CBARP: variants seen among roughly 807,000 people sequenced by gnomAD.
CBARP encodes voltage-dependent calcium channel beta subunit-associated regulatory protein.
A neutral mutation model predicts 36.3 loss-of-function variants in CBARP; 24 were observed. That is an observed-to-expected ratio of 0.66 (90% confidence interval 0.48 to 0.93). The LOEUF (loss-of-function observed/expected upper bound fraction) is 0.93. Among genes scored for constraint, CBARP ranks in the 40% least tolerant of loss-of-function variants. The pLI is 0.00. For synonymous variants in CBARP, 586 were observed against 453.2 expected, an observed-to-expected ratio of 1.29 and a Z score of -3.72; for missense variants, 1,146 against 980.4, an observed-to-expected ratio of 1.17 and a Z score of -2.26.
At chr19:1,234,116 T>A in intron 7 of CBARP, 75 bp downstream of exon 7, 1 of 1,409,878 alleles carries the variant, frequency 7.1e-7, no homozygotes, top group Non-Finnish European at 9.3e-7. Flanking sequence ...TTGACCTTGG[T>A]CCTGGACTGG....
rs781767367 is a variant in CBARP at position 1,236,058 on chromosome 19, T to TGGTGGTGGTGGC, written c.31_42dup (p.Ala11_Thr14dup). The TGGTGGTGGTGGC allele has an allele frequency of 3.3e-6, 5 of 1,518,976 alleles. No individual in the cohort carries two copies. In the South Asian group the frequency reaches 6.5e-5, roughly 20 times the overall value. The allele number at this position is 1,518,976 out of a possible 1,614,324, so 94.1% of individuals were successfully genotyped here. ...AGGGCTACTGTGGCAGTGGTGGTGG[T>TGGTGGTGGTGGC]GGTGGTGGTGGCGGCTGTGGCCATG... is the stretch of plus-strand genomic sequence containing the variant. On this transcript the variant is annotated inframe_insertion, in exon 2 of 10. Transcript: ENST00000650044.
intron 9 of CBARP, chr19:1,230,742 G>A (rs917808331): frequency 3.8e-6 from 5 of 1,309,544 alleles, no homozygotes; most frequent in Non-Finnish European, 4.8e-6. Context: ...CTTCTGAGAG[G>A]AGTCTGCCCA....
At position 1,230,025 on chromosome 19, in the gene CBARP, G is replaced by C; in HGVS notation, c.1272C>G (p.Asp424Glu). The C allele has an allele frequency of 8.1e-7, 1 of 1,228,764 alleles. No individual in the cohort carries two copies. The highest frequency in any genetic ancestry group is 1.0e-6 in the Non-Finnish European group (1 of 963,172). The allele number at this position is 1,228,764 out of a possible 1,614,324, so 76.1% of individuals were successfully genotyped here. Residue 424 changes from aspartate to glutamate, a missense_variant, in exon 10 of 10, where the codon GAC (aspartate) becomes GAG (glutamate). Coordinates refer to ENST00000650044, the MANE Select transcript of CBARP (RefSeq NM_001393918.1). Reference sequence around the variant, plus strand: ...TGGTCTGGGCCTGCTCGGGGCCCGCGTCCCGCTCGGCGTCCGGCTCCAGTG... The same window carrying C: ...TGGTCTGGGCCTGCTCGGGGCCCGCCTCCCGCTCGGCGTCCGGCTCCAGTG... ...QPPLEPDAER[D>E]AGPEQAQTSY...
chr19:1,237,118 C>T (rs1376237705), intron 1 of CBARP, among the ~76,000 whole-genome samples: 11 of 152,192 alleles, frequency 7.2e-5, no homozygotes, highest in Non-Finnish European at 1.0e-4. Flanking sequence ...CGAGACCTTT[C>T]CCGGAGCGAG....
chr19:1,236,705 A>G (rs2080978599), intron 1 of CBARP, among the ~76,000 whole-genome samples: 1 of 151,628 alleles, frequency 6.6e-6, no homozygotes, highest in African/African-American at 2.4e-5. Flanking sequence ...CCCGGTGCTG[A>G]GTGCTGGTGG....
rs375868119 is a variant in CBARP, at chr19:1,234,691, C to G, written c.507G>C (p.Thr169=). The G allele has an allele frequency of 6.2e-7, 1 of 1,612,906 alleles. No homozygotes were observed. Among genetic ancestry groups the G allele is most frequent in the Non-Finnish European group, 8.5e-7 (1 of 1,179,692 alleles). ...TCTTGAGGGGCGGCAGGTGCAGGTG[C>G]GTGAGCCGGGCATTCTTCAGGTGGT... ...DFHHLKNARL[T]HLHLPPLKIV... is the part of the protein sequence containing the mutation. The change falls in exon 6 of 10, where the codon ACG becomes ACC. Residue 169 remains threonine (T), a synonymous_variant. Transcript: ENST00000650044.
chr19:1,230,012 G>T lies in CBARP; in HGVS notation c.1285C>A (p.Gln429Lys), dbSNP rs867603649. 3 of 1,235,720 alleles carry T rather than the reference G, an allele frequency of 2.4e-6. No individual in the cohort carries two copies. The highest frequency in any genetic ancestry group is 3.1e-6 in the Non-Finnish European group (3 of 966,950). The allele number at this position is 1,235,720 out of a possible 1,614,324, so 76.5% of individuals were successfully genotyped here. Residue 429 changes from glutamine (Q) to lysine (K), a missense_variant, in exon 10 of 10, where the codon CAG becomes AAG. Physicochemically the swap from Gln to Lys is moderately conservative, Grantham distance 53. Coordinates refer to ENST00000650044, the MANE Select transcript of CBARP (RefSeq NM_001393918.1). The stretch of plus-strand genomic sequence containing the variant: ...AGGTCGCGGTAGCTGGTCTGGGCCT[G>T]CTCGGGGCCCGCGTCCCGCTCGGCG... The part of the protein sequence containing the change: ...PDAERDAGPE[Q>K]AQTSYRDLWS...
intron 4 of CBARP, 120 bp from the exon 5 acceptor site, chr19:1,235,265 C>G (rs1383526099): frequency 8.4e-7 from 1 of 1,196,202 alleles, no homozygotes; most frequent in Non-Finnish European, 1.1e-6. Flanking sequence ...CACGGGCGGC[C>G]GGGCTGGCGG....
rs754691348 is a variant in CBARP, at chr19:1,235,051, A to G, written c.405T>C (p.Asn135=). Residue 135 remains asparagine, a synonymous_variant, in exon 5 of 10, where the codon AAT becomes AAC. Transcript: ENST00000650044. ...TSSTGRRVSF[N]EAALFEQSRK... ...GGCTCTGCTCAAACAGCGCCGCCTC[A>G]TTGAAGGAGACCCGGCGGCCCGTGG... is the stretch of plus-strand genomic sequence containing the variant. 6.8e-6 allele frequency: 11 copies of G among 1,611,266 alleles called. No homozygotes were observed. The highest frequency in any genetic ancestry group is 3.4e-6 in the Non-Finnish European group (4 of 1,179,226).
intron 7 of CBARP, 39 bp downstream of exon 7, chr19:1,234,152 C>A: frequency 6.9e-7 from 1 of 1,456,200 alleles, no homozygotes. Flanking sequence ...GGAGCCTCCC[C>A]GGCTGTGGAC....
chr19:1,232,935 C>T (rs942763710), intron 8 of CBARP, among the ~76,000 whole-genome samples: 1 of 152,242 alleles, frequency 6.6e-6, no homozygotes, highest in African/African-American at 2.4e-5. Context: ...AGTCAGAGCC[C>T]AGACAGGCAG....
chr19:1,234,564 G>C lies in CBARP; in HGVS notation c.627+7C>G, dbSNP rs1447719838. The C allele has an allele frequency of 1.9e-6, 3 of 1,598,864 alleles. No individual in the cohort carries two copies. In the African/African-American group the frequency reaches 4.0e-5, roughly 21 times the overall value. On this transcript the variant is annotated splice_region_variant and intron_variant, in intron 6 of 9. Coordinates refer to ENST00000650044, the MANE Select transcript of CBARP (RefSeq NM_001393918.1). ...CGAGGAACCGGGGCTGCTGCCCATA[G>C]GCTCACCTGGAAGATGGCCAGAGTG...
chr19:1,230,098 G>T lies in CBARP; in HGVS notation c.1199C>A (p.Pro400His). Residue 400 changes from proline (P) to histidine (H), a missense_variant, in exon 10 of 10, where the codon CCC becomes CAC. Coordinates refer to ENST00000650044, the MANE Select transcript of CBARP (RefSeq NM_001393918.1). ...CGCGCTGCCCGCGCCGCGCTCCGGG[G>T]GGGAATCGGGGCTCGCTCCTCCCGC... Reference protein sequence around the residue: ...EAAGGASPDSPPERGAGSAGP... With the variant: ...EAAGGASPDSHPERGAGSAGP... The T allele has an allele frequency of 9.3e-7, 1 of 1,080,324 alleles. No individual in the cohort carries two copies. The highest frequency in any genetic ancestry group is 2.1e-5 in the South Asian group (1 of 46,782). 66.9% of individuals were successfully genotyped at this position (1,080,324 alleles called of 1,614,324 possible). A position where few individuals can be genotyped will look rare whatever the true frequency, so the allele number is the denominator to read the frequency against.
In CBARP at chr19:1,229,251, G is replaced by T; in HGVS notation, c.2046C>A (p.Leu682=). Residue 682 remains leucine (L), a synonymous_variant, in exon 10 of 10, where the codon CTC becomes CTA. Coordinates refer to ENST00000650044, the MANE Select transcript of CBARP (RefSeq NM_001393918.1). The surrounding 1 kb of genome is among the most constrained non-coding windows in gnomAD (Gnocchi z 5.1). The part of the protein sequence containing the change: ...GLDERLFPPR[L]AEPVVATPAL... ...CGGGAGTCGCCACGACGGGCTCGGCGAGGCGCGGCGGAAAGAGTCTCTCGT... is the reference window on the plus strand; with the variant it reads ...CGGGAGTCGCCACGACGGGCTCGGCTAGGCGCGGCGGAAAGAGTCTCTCGT... The T allele has an allele frequency of 8.1e-7, 1 of 1,242,064 alleles. No homozygotes were observed. Among genetic ancestry groups the T allele is most frequent in the Non-Finnish European group, 1.0e-6 (1 of 968,236 alleles). 76.9% of individuals were successfully genotyped at this position (1,242,064 alleles called of 1,614,324 possible).
chr19:1,229,259 G>A lies in CBARP; in HGVS notation c.2038C>T (p.Pro680Ser). 8.0e-7 allele frequency: 1 copy of A among 1,247,810 alleles called. No homozygotes were observed. The highest frequency in any genetic ancestry group is 1.0e-6 in the Non-Finnish European group (1 of 971,556). 77.3% of individuals were successfully genotyped at this position (1,247,810 alleles called of 1,614,324 possible). Residue 680 changes from proline to serine, a missense_variant, in exon 10 of 10, where the codon CCG (proline) becomes TCG (serine). By Grantham distance (74) the Pro-to-Ser change is moderately conservative. Coordinates refer to ENST00000650044, the MANE Select transcript of CBARP (RefSeq NM_001393918.1). The surrounding 1 kb of genome is among the most constrained non-coding windows in gnomAD (Gnocchi z 5.1). ...GCCACGACGGGCTCGGCGAGGCGCG[G>A]CGGAAAGAGTCTCTCGTCGAGGCCA... ...AAGLDERLFP[P>S]RLAEPVVATP...
intron 1 of CBARP, among the ~76,000 whole-genome samples, chr19:1,236,695 C>T (rs956431883): frequency 4.6e-5 from 7 of 151,914 alleles, no homozygotes; most frequent in Non-Finnish European, 8.8e-5. Context: ...TGGAGGTCTC[C>T]CCGGTGCTGA....
rs1029902961 is a variant in CBARP, at chr19:1,236,336, C to T, written c.-21-215G>A. ...GGACCTCCATCTCCCATCCCCATGG[C>T]GGGGGAGGAGGCCTGGCCCTCTGAG... On this transcript the variant is annotated intron_variant, in intron 1 of 9. Coordinates refer to ENST00000650044, the MANE Select transcript of CBARP (RefSeq NM_001393918.1). Among the ~76,000 whole-genome samples the T allele has an allele frequency of 2.6e-5, 4 of 152,202 alleles. No individual in the cohort carries two copies. The South Asian group carries it at 6.2e-4, about 24-fold the overall frequency.
Position 1,235,046 on chromosome 19 carries a change from G to A in CBARP, c.410C>T (p.Ala137Val), listed in dbSNP as rs534006111. The A allele has an allele frequency of 3.5e-5, 57 of 1,611,176 alleles. No homozygotes were observed. In the Admixed American group the frequency reaches 5.3e-4, roughly 15 times the overall value. The change falls in exon 5 of 10, where the codon GCG (alanine) becomes GTG (valine). Residue 137 changes from alanine (A) to valine (V), a missense_variant. Coordinates refer to ENST00000650044, the MANE Select transcript of CBARP (RefSeq NM_001393918.1). ...STGRRVSFNE[A>V]ALFEQSRKTQ... ...CTTGCGGCTCTGCTCAAACAGCGCC[G>A]CCTCATTGAAGGAGACCCGGCGGCC...
In CBARP at chr19:1,234,791, GC is replaced by G. The variant is rs1394301361; in HGVS notation, c.456-50del. The stretch of plus-strand genomic sequence containing the variant: ...AGCCCGCCCACCTCCCATGCCCGAT[GC>G]CCCAGCTGCCGTGCTCTGCCATCCA... On this transcript the variant is annotated intron_variant, in intron 5 of 9. Transcript: ENST00000650044. The G allele has an allele frequency of 2.5e-6, 4 of 1,577,730 alleles. No individual in the cohort carries two copies. In the African/African-American group the frequency reaches 4.0e-5, roughly 16 times the overall value.
Sources: gnomAD v4.1 joint callset for allele counts (sites outside exome capture counted in the v4.1 genomes callset) on GRCh38, gnomAD v4.1.1 for gene constraint, Gnocchi (gnomAD v3.1) non-coding constraint, MANE v1.5 for transcripts, NCBI Gene and HGNC (gene_info 2026-07-23, HGNC 2026-07-21) for gene names.